The following MAML2 variants were observed in gnomAD, a reference collection of about 807,000 sequenced individuals.
MAML2 encodes mastermind-like protein 2.
MAML2 carries 22 observed loss-of-function variants against 96.1 expected under a neutral mutation model. The observed-to-expected ratio is 0.23, with a 90% CI of 0.16 to 0.33. MAML2 has a LOEUF of 0.33. MAML2 is among the 10% of genes least tolerant of loss of function. The pLI, the probability that MAML2 is intolerant of heterozygous loss-of-function variation, is 1.00. For missense variants in MAML2, 1,367 were observed against 1,392.4 expected (o/e 0.98, Z 0.29); for synonymous variants, 561 against 521.3 (o/e 1.08, Z -1.04).
intron 2 of MAML2, among the ~76,000 whole-genome samples, chr11:96,005,730 T>C (rs1858169831): frequency 6.6e-6 from 1 of 152,216 alleles, no homozygotes; most frequent in Non-Finnish European, 1.5e-5. Context: ...GGTAGAACTA[T>C]ACAGCTTTGG....
In MAML2 at chr11:96,091,808, A is replaced by G. The variant is rs550543092; in HGVS notation, c.2139+84T>C. On this transcript the variant is annotated intron_variant, in intron 2 of 4. Coordinates refer to ENST00000524717, the MANE Select transcript of MAML2 (RefSeq NM_032427.4). ...TGTCTTTGGTCTTGATCTTGTCCCA[A>G]TACAAACATAATGGTAACCACAGCA... 1.2e-4 allele frequency: 184 copies of G among 1,506,566 alleles called. No individual in the cohort carries two copies. In the East Asian group the frequency reaches 3.1e-3, roughly 26 times the overall value. 93.3% of individuals were successfully genotyped at this position (1,506,566 alleles called of 1,614,324 possible). A position where few individuals can be genotyped will look rare whatever the true frequency, so the allele number is the denominator to read the frequency against.
At chr11:96,065,887 G>A (rs1444148969) in intron 2 of MAML2, among the ~76,000 whole-genome samples, 1 of 152,136 alleles carries the variant, frequency 6.6e-6, no homozygotes, top group East Asian at 1.9e-4. Flanking sequence ...CTGGGATAGG[G>A]CAGGCTCCCA....
chr11:96,183,161 G>A (rs577446392), intron 1 of MAML2, among the ~76,000 whole-genome samples: 10 of 151,862 alleles, frequency 6.6e-5, no homozygotes, highest in Non-Finnish European at 1.5e-4. Flanking sequence ...GTTACATCAT[G>A]TTGGCCAGGC....
At chr11:96,234,287 G>A (rs1317379409) in intron 1 of MAML2, among the ~76,000 whole-genome samples, 2 of 152,236 alleles carry the variant, frequency 1.3e-5, no homozygotes, top group Admixed American at 6.5e-5. Flanking sequence ...TTCGAGACCA[G>A]CCTGACCAAC....
Position 96,083,870 on chromosome 11 carries a change from A to G in MAML2, c.2139+8022T>C, listed in dbSNP as rs533430799. On this transcript the variant is annotated intron_variant, in intron 2 of 4. Transcript: ENST00000524717. ...ATATATGAGAGGTAATCCATGCTCA[A>G]AGAGAAGAAGCAGAGGGAGCTACCA... 5.9e-5 allele frequency among the ~76,000 whole-genome samples: 9 copies of G among 152,296 alleles called. No homozygotes were observed. In the East Asian group the frequency reaches 1.7e-3, roughly 29 times the overall value.
rs77869933 is a variant in MAML2 at position 96,017,540 on chromosome 11, T to A, written c.2140-25817A>T. Among the ~76,000 whole-genome samples the A allele has an allele frequency of 1.4e-3, 220 of 152,260 alleles. 2 individuals are homozygous for A. Among genetic ancestry groups the A allele is most frequent in the African/African-American group, 5.1e-3 (213 of 41,530 alleles). On this transcript the variant is annotated intron_variant, in intron 2 of 4. Transcript: ENST00000524717. ...CAACATTTTAGTGTAGGAAGACAGA[T>A]AATAGACATTTTAACAAATAATATA...
chr11:96,076,774 T>A (rs1466934412), intron 2 of MAML2, among the ~76,000 whole-genome samples: 4 of 152,224 alleles, frequency 2.6e-5, no homozygotes, highest in African/African-American at 9.6e-5. Flanking sequence ...ATGAGATCTA[T>A]GTGAATCTTC....
intron 1 of MAML2, among the ~76,000 whole-genome samples, chr11:96,108,455 A>G (rs1860062195): frequency 6.6e-6 from 1 of 152,208 alleles, no homozygotes. Flanking sequence ...TCTAAATATC[A>G]TCTCATGAAT....
chr11:96,316,888 G>A (rs906452269), intron 1 of MAML2, among the ~76,000 whole-genome samples: 2 of 151,956 alleles, frequency 1.3e-5, no homozygotes, highest in Non-Finnish European at 2.9e-5. Context: ...ATGCTTTGAA[G>A]ATGGAACTGA....
intron 2 of MAML2, among the ~76,000 whole-genome samples, chr11:96,030,583 A>T (rs1216956697): frequency 6.6e-6 from 1 of 152,238 alleles, no homozygotes; most frequent in Non-Finnish European, 1.5e-5. Context: ...GGCATCCCCA[A>T]ATATAGAATT....
Position 96,232,726 on chromosome 11 carries a change from C to T in MAML2, c.513+108657G>A, listed in dbSNP as rs767729326. On this transcript the variant is annotated intron_variant, in intron 1 of 4. Coordinates refer to ENST00000524717, the MANE Select transcript of MAML2 (RefSeq NM_032427.4). ...GACCTCGCGATCCGCCTATCTCAGC[C>T]TCCCAAAGTGCTTAGGATTAGAGGC... 1.2e-3 allele frequency among the ~76,000 whole-genome samples: 181 copies of T among 152,330 alleles called. 2 individuals are homozygous for T. The highest frequency in any genetic ancestry group is 3.4e-3 in the Middle Eastern group (1 of 294).
At chr11:96,173,360 G>C (rs770329712) in intron 1 of MAML2, among the ~76,000 whole-genome samples, 6 of 152,188 alleles carry the variant, frequency 3.9e-5, no homozygotes, top group Non-Finnish European at 8.8e-5. Context: ...GATTTTCAGT[G>C]GGACAGAGTT....
At chr11:95,982,053 CT>C (rs1467076366) in intron 4 of MAML2, among the ~76,000 whole-genome samples, 3 of 152,070 alleles carry the variant, frequency 2.0e-5, no homozygotes, top group Non-Finnish European at 4.4e-5. Flanking sequence ...ATATCAAAAT[CT>C]GGGAAAGGTA....
intron 1 of MAML2, among the ~76,000 whole-genome samples, chr11:96,209,403 C>T (rs1325480340): frequency 4.6e-5 from 7 of 151,962 alleles, no homozygotes; most frequent in African/African-American, 1.2e-4. Flanking sequence ...TTTAGGAGGC[C>T]GAGGTAGGTG....
intron 1 of MAML2, among the ~76,000 whole-genome samples, chr11:96,150,845 C>T (rs1174730853): frequency 6.6e-6 from 1 of 152,070 alleles, no homozygotes; most frequent in East Asian, 1.9e-4. Flanking sequence ...ATTTTGCCTC[C>T]CATTACAGCA....
chr11:96,231,662 A>T (rs539439905), intron 1 of MAML2, among the ~76,000 whole-genome samples: 94 of 152,314 alleles, frequency 6.2e-4, no homozygotes, highest in Non-Finnish European at 1.0e-3. Flanking sequence ...ATGAGTTGGA[A>T]AGAGAGTTGG....
intron 1 of MAML2, among the ~76,000 whole-genome samples, chr11:96,233,861 C>G (rs537545356): frequency 5.9e-5 from 9 of 152,250 alleles, no homozygotes; most frequent in Admixed American, 5.2e-4. Context: ...TGAAGAAGAA[C>G]AAGAGGAAGA....
At chr11:96,063,877 G>C (rs543008385) in intron 2 of MAML2, among the ~76,000 whole-genome samples, 2 of 152,254 alleles carry the variant, frequency 1.3e-5, no homozygotes. Flanking sequence ...TTTTTTGCCT[G>C]TTGATACGAT....
intron 4 of MAML2, among the ~76,000 whole-genome samples, chr11:95,984,149 C>T (rs914480663): frequency 2.0e-5 from 3 of 152,142 alleles, no homozygotes; most frequent in African/African-American, 7.2e-5. Context: ...GTTATAACTG[C>T]CTACAGTAGT....
Sources: gnomAD v4.1 joint callset for allele counts (sites outside exome capture counted in the v4.1 genomes callset) on GRCh38, gnomAD v4.1.1 for gene constraint, MANE v1.5 for transcripts, NCBI Gene and HGNC (gene_info 2026-07-23, HGNC 2026-07-21) for gene names.